EFCAB13: variants seen among roughly 807,000 people sequenced by gnomAD.
EFCAB13 encodes the protein EF-hand calcium binding domain 13, also known as EF-hand calcium-binding domain-containing protein 13.
EFCAB13 carries 91 observed loss-of-function variants against 110.2 expected under a neutral mutation model. That is an observed-to-expected ratio of 0.83 (90% CI 0.70 to 0.98). The LOEUF (loss-of-function observed/expected upper bound fraction) is 0.98. Ranked by LOEUF, EFCAB13 falls within the 50% of genes least tolerant of loss-of-function variation. EFCAB13 has a pLI of 0.00. For synonymous variants in EFCAB13, 323 were observed against 369.9 expected (o/e 0.87, Z 1.45); for missense variants, 968 against 1,119.4 (o/e 0.86, Z 1.93).
chr17:47,422,418 A>C (rs1374869230), intron 23 of EFCAB13, among the ~76,000 whole-genome samples: 1 of 152,206 alleles, frequency 6.6e-6, no homozygotes, highest in African/African-American at 2.4e-5. Flanking sequence ...AAGAAAGATA[A>C]GGATTAAAAG....
intron 4 of EFCAB13, among the ~76,000 whole-genome samples, chr17:47,328,630 T>C (rs1385884993): frequency 6.6e-6 from 1 of 152,172 alleles, no homozygotes; most frequent in African/African-American, 2.4e-5. Context: ...GGTACGGACC[T>C]GGATAATTTT....
intron 5 of EFCAB13, among the ~76,000 whole-genome samples, chr17:47,340,897 T>C (rs1484567824): frequency 1.3e-5 from 2 of 151,014 alleles, no homozygotes; most frequent in South Asian, 4.2e-4. Flanking sequence ...ATTACAGGCA[T>C]GAGCTACCAT....
intron 14 of EFCAB13, among the ~76,000 whole-genome samples, chr17:47,382,414 A>C (rs532017564): frequency 6.6e-6 from 1 of 152,154 alleles, no homozygotes; most frequent in African/African-American, 2.4e-5. Flanking sequence ...GTGGTGAGAG[A>C]GGGCATCCTT....
chr17:47,342,032 G>A lies in EFCAB13; in HGVS notation c.303G>A (p.Glu101=). 6.5e-7 allele frequency: 1 copy of A among 1,529,252 alleles called. No individual in the cohort carries two copies. The highest frequency in any genetic ancestry group is 2.3e-5 in the East Asian group (1 of 43,130). 94.7% of individuals were successfully genotyped at this position (1,529,252 alleles called of 1,614,324 possible). The change falls in exon 6 of 25, where the codon GAG becomes GAA. Residue 101 remains glutamate, a splice_region_variant and synonymous_variant. Coordinates refer to ENST00000331493, the MANE Select transcript of EFCAB13 (RefSeq NM_152347.5). ...TACAACAGCACAGTAAAAGAACTGA[G>A]GTAAATAAAGATTTGGAAATTTTTC... ...LQVQQHSKRT[E]IIPPFLKLSK...
chr17:47,414,242 TGTGTGTGTGC>T (rs1904348386), intron 22 of EFCAB13, among the ~76,000 whole-genome samples: 2 of 151,634 alleles, frequency 1.3e-5, no homozygotes, highest in Non-Finnish European at 2.9e-5. Flanking sequence ...ACTGTGTATG[TGTGTGTGTGC>T]ACGTGCGTGT....
chr17:47,390,052 A>G (rs1963340376), intron 14 of EFCAB13, among the ~76,000 whole-genome samples: 3 of 152,198 alleles, frequency 2.0e-5, no homozygotes, highest in Admixed American at 2.0e-4. Flanking sequence ...TTAGAAAGCC[A>G]TAATGATTTC....
At chr17:47,361,637 C>A in intron 10 of EFCAB13, 116 bp downstream of exon 10, 2 of 865,798 alleles carry the variant, frequency 2.3e-6, no homozygotes, top group East Asian at 2.9e-5. Context: ...TCTCTTGATT[C>A]TTACCTTTTG....
chr17:47,355,207 C>T (rs577269763), intron 9 of EFCAB13, among the ~76,000 whole-genome samples: 1 of 152,284 alleles, frequency 6.6e-6, no homozygotes, highest in African/African-American at 2.4e-5. Flanking sequence ...AGATAGGACC[C>T]AATCCTTTCT....
intron 24 of EFCAB13, among the ~76,000 whole-genome samples, chr17:47,435,066 G>C (rs1905187563): frequency 1.3e-5 from 2 of 152,058 alleles, no homozygotes; most frequent in African/African-American, 4.8e-5. Flanking sequence ...AAAAGTTTCT[G>C]CAAAGCAAAA....
intron 14 of EFCAB13, among the ~76,000 whole-genome samples, chr17:47,390,898 G>A (rs1451985449): frequency 7.1e-6 from 1 of 140,800 alleles, no homozygotes; most frequent in Non-Finnish European, 1.5e-5. Flanking sequence ...ATATATATGT[G>A]TATGTGTGTC....
chr17:47,410,315 A>G (rs1032982127), intron 21 of EFCAB13, among the ~76,000 whole-genome samples: 9 of 152,156 alleles, frequency 5.9e-5, no homozygotes, highest in African/African-American at 1.7e-4. Flanking sequence ...CAATAACTAA[A>G]TCACTGACAT....
Position 47,335,341 on chromosome 17 carries a change from C to T in EFCAB13, c.176C>T (p.Pro59Leu). The T allele has an allele frequency of 6.3e-7, 1 of 1,586,232 alleles. No individual in the cohort carries two copies. The highest frequency in any genetic ancestry group is 8.5e-7 in the Non-Finnish European group (1 of 1,172,380). ...EISPEIRSLS[P>L]EYKKIFETSI... Reference sequence around the variant, plus strand: ...TCACCGGAAATTAGGAGTTTGAGCCCAGAATATAAAAAAATGTAAGTTAAA... The same window carrying T: ...TCACCGGAAATTAGGAGTTTGAGCCTAGAATATAAAAAAATGTAAGTTAAA... The change falls in exon 5 of 25, where the codon CCA becomes CTA. Residue 59 changes from proline (P) to leucine (L), a missense_variant. Coordinates refer to ENST00000331493, the MANE Select transcript of EFCAB13 (RefSeq NM_152347.5).
intron 10 of EFCAB13, among the ~76,000 whole-genome samples, chr17:47,362,857 C>T (rs1445170220): frequency 1.3e-5 from 2 of 152,174 alleles, no homozygotes; most frequent in Non-Finnish European, 2.9e-5. Context: ...GGAGATGGCT[C>T]ACACTCCTTA....
At chr17:47,371,597 AT>A (rs1442279360) in intron 11 of EFCAB13, among the ~76,000 whole-genome samples, 1 of 151,790 alleles carries the variant, frequency 6.6e-6, no homozygotes, top group Non-Finnish European at 1.5e-5. Flanking sequence ...TGGGTTCTTT[AT>A]TCTGTTCCAT....
At chr17:47,402,438 A>G (rs1207899534) in intron 18 of EFCAB13, among the ~76,000 whole-genome samples, 1 of 152,218 alleles carries the variant, frequency 6.6e-6, no homozygotes, top group Non-Finnish European at 1.5e-5. Context: ...TGTCTAGACT[A>G]TTTGTTAAAG....
chr17:47,432,790 G>A (rs1905143086), intron 24 of EFCAB13, among the ~76,000 whole-genome samples: 1 of 151,892 alleles, frequency 6.6e-6, no homozygotes, highest in African/African-American at 2.4e-5. Context: ...TGTATCTCAT[G>A]AATAGTACAT....
rs749756434 is a variant in EFCAB13, at chr17:47,412,759, A to G, written c.2279-14A>G. 30 of 1,607,944 alleles carry G rather than the reference A, an allele frequency of 1.9e-5. No individual in the cohort carries two copies. In the South Asian group the frequency reaches 3.1e-4, roughly 17 times the overall value. On this transcript the variant is annotated splice_polypyrimidine_tract_variant and intron_variant, in intron 21 of 24. Transcript: ENST00000331493. ...TTTTACACCATAATAGCTTGTGTAC[A>G]TTTATCTTTGTAGAGATTAAAGAAG...
rs149070993 is a variant in EFCAB13 at position 47,411,510 on chromosome 17, G to T, written c.2279-1263G>T. ...ATTTTTCTCATATCACTTACTATATGATATATTATAATTTTGTTTATAGAT... is the reference window on the plus strand; with the variant it reads ...ATTTTTCTCATATCACTTACTATATTATATATTATAATTTTGTTTATAGAT... On this transcript the variant is annotated intron_variant, in intron 21 of 24. Coordinates refer to ENST00000331493, the MANE Select transcript of EFCAB13 (RefSeq NM_152347.5). Among the ~76,000 whole-genome samples the T allele has an allele frequency of 2.6e-3, 400 of 152,194 alleles. 2 individuals are homozygous for T. Among genetic ancestry groups the T allele is most frequent in the South Asian group, 6.8e-3 (33 of 4,822 alleles).
chr17:47,436,124 C>T (rs1476403188), intron 24 of EFCAB13, among the ~76,000 whole-genome samples: 1 of 152,138 alleles, frequency 6.6e-6, no homozygotes, highest in Non-Finnish European at 1.5e-5. Context: ...GTACGAAACC[C>T]ACTTGATCAT....
Sources: gnomAD v4.1 joint callset for allele counts (sites outside exome capture counted in the v4.1 genomes callset) on GRCh38, gnomAD v4.1.1 for gene constraint, MANE v1.5 for transcripts, NCBI Gene and HGNC (gene_info 2026-07-23, HGNC 2026-07-21) for gene names.